The following ZNF121 variants were observed in gnomAD, a reference collection of about 807,000 sequenced individuals.
ZNF121 encodes the protein zinc finger protein 121 (clone ZHC32).
A neutral mutation model predicts 2.4 loss-of-function variants in ZNF121; 1 was observed. That is an observed-to-expected ratio of 0.41 (90% CI 0.15 to 1.94). ZNF121 has a LOEUF of 1.94. Among genes scored for constraint, ZNF121 ranks in the 30% most tolerant of loss-of-function variants. ZNF121 has a pLI of 0.30. For synonymous variants in ZNF121, 173 were observed against 158.6 expected (o/e 1.09, Z -0.68); for missense variants, 369 against 466.3 (o/e 0.79, Z 1.92).
chr19:9,565,923 A>C lies in ZNF121; in HGVS notation c.*17T>G. The stretch of plus-strand genomic sequence containing the variant: ...TTCCTAAAAGATTTCCACATTCCTT[A>C]CATTCAGAGTTTTTCTTCAGTGTGT... On this transcript the variant is annotated 3_prime_UTR_variant, in exon 4 of 4. Coordinates refer to ENST00000320451, the MANE Select transcript of ZNF121 (RefSeq NM_001008727.5). 6.6e-7 allele frequency: 1 copy of C among 1,503,958 alleles called. No individual in the cohort carries two copies. The highest frequency in any genetic ancestry group is 8.9e-7 in the Non-Finnish European group (1 of 1,118,920). 93.2% of individuals were successfully genotyped at this position (1,503,958 alleles called of 1,614,324 possible).
At chr19:9,574,652 G>A (rs773895733) in intron 1 of ZNF121, among the ~76,000 whole-genome samples, 2 of 152,168 alleles carry the variant, frequency 1.3e-5, no homozygotes, top group South Asian at 2.1e-4. Context: ...TTTAAAAGGC[G>A]TAAAGGCAGA....
chr19:9,565,387 A>AAAAAT lies in ZNF121; in HGVS notation c.*552_*553insATTTT, dbSNP rs1369472195. On this transcript the variant is annotated 3_prime_UTR_variant, in exon 4 of 4. Coordinates refer to ENST00000320451, the MANE Select transcript of ZNF121 (RefSeq NM_001008727.5). Reference sequence around the variant, plus strand: ...AAAAAAAAAAAAAAAAAAAAAAAAAAGGCCAGGAGCAGTGGCTCACTCCTA... The same window carrying AAAAAT: ...AAAAAAAAAAAAAAAAAAAAAAAAAAAAAATGGCCAGGAGCAGTGGCTCACTCCTA... The AAAAAT allele has an allele frequency of 1.5e-4, 21 of 139,772 alleles. No homozygotes were observed. The highest frequency in any genetic ancestry group is 3.0e-4 in the Admixed American group (4 of 13,128). 8.7% of individuals were successfully genotyped at this position (139,772 alleles called of 1,614,324 possible).
At chr19:9,584,137 T>G (rs894562997) in intron 1 of ZNF121, 4 of 152,198 alleles carry the variant, frequency 2.6e-5, no homozygotes, top group Non-Finnish European at 5.9e-5. Flanking sequence ...GGAGCCAACC[T>G]GACTGGAACG....
At chr19:9,572,569 C>T (rs1237661900) in intron 1 of ZNF121, among the ~76,000 whole-genome samples, 1 of 152,156 alleles carries the variant, frequency 6.6e-6, no homozygotes, top group Non-Finnish European at 1.5e-5. Context: ...TGTTCAGGAG[C>T]ACCATACTGT....
At chr19:9,572,259 C>G (rs149681728) in intron 1 of ZNF121, among the ~76,000 whole-genome samples, 1 of 152,118 alleles carries the variant, frequency 6.6e-6, no homozygotes, top group African/African-American at 2.4e-5. Context: ...AGTGAAAAAA[C>G]TCCAAGGGAG....
Position 9,566,260 on chromosome 19 carries a change from T to C in ZNF121, c.853A>G (p.Lys285Glu). Residue 285 changes from lysine to glutamate, a missense_variant, in exon 4 of 4, where the codon AAA becomes GAA. Lys to Glu is a moderately conservative substitution (Grantham distance 56). Transcript: ENST00000320451. ...FRIHTGIKPY[K>E]CKECGKAFTV... ...AATGCTTTCCCACACTCCTTACATT[T>C]ATAGGGTTTTATTCCAGTGTGAATT... 6.2e-7 allele frequency: 1 copy of C among 1,614,102 alleles called. No homozygotes were observed. The highest frequency in any genetic ancestry group is 8.5e-7 in the Non-Finnish European group (1 of 1,180,006).
Position 9,565,999 on chromosome 19 carries a change from C to A in ZNF121, c.1114G>T (p.Glu372Ter), listed in dbSNP as rs142394580. The stretch of plus-strand genomic sequence containing the variant: ...AATCTATTGTAGGCTTTCCCACATT[C>A]GTTACATATATAGGGTTTCTCTCCA... ...HTGEKPYICN[E>*]CGKAYNRFYL... Residue 372 changes from glutamate to a stop codon, truncating the protein, a stop_gained, in exon 4 of 4, where the codon GAA (glutamate) becomes TAA (stop). Transcript: ENST00000320451. LOFTEE classifies it low-confidence loss of function (END_TRUNC). The A allele has an allele frequency of 2.5e-6, 4 of 1,603,404 alleles. No individual in the cohort carries two copies. The highest frequency in any genetic ancestry group is 2.6e-6 in the Non-Finnish European group (3 of 1,176,048).
chr19:9,564,178 A>T lies in ZNF121; in HGVS notation c.*1762T>A, dbSNP rs971551199. The stretch of plus-strand genomic sequence containing the variant: ...TTCTCCATTCTAGATGCCATTAACA[A>T]CATTTATGATTCATGGAAGGAGGTC... On this transcript the variant is annotated 3_prime_UTR_variant, in exon 4 of 4. Coordinates refer to ENST00000320451, the MANE Select transcript of ZNF121 (RefSeq NM_001008727.5). 1 of 152,216 alleles carries T rather than the reference A, an allele frequency of 6.6e-6. No homozygotes were observed. The highest frequency in any genetic ancestry group is 1.5e-5 in the Non-Finnish European group (1 of 68,050). 9.4% of individuals were successfully genotyped at this position (152,216 alleles called of 1,614,324 possible). A position where few individuals can be genotyped will look rare whatever the true frequency, so the allele number is the denominator to read the frequency against.
chr19:9,574,942 C>A (rs1053229867), intron 1 of ZNF121, among the ~76,000 whole-genome samples: 1 of 152,026 alleles, frequency 6.6e-6, no homozygotes, highest in Non-Finnish European at 1.5e-5. Flanking sequence ...AAAAAAAAGT[C>A]TTTAAAGAAA....
At chr19:9,581,687 T>C (rs1028419199) in intron 1 of ZNF121, among the ~76,000 whole-genome samples, 1 of 152,172 alleles carries the variant, frequency 6.6e-6, no homozygotes, top group Non-Finnish European at 1.5e-5. Flanking sequence ...ATAACTGTTC[T>C]AGGTAAAAAG....
rs528971495 is a variant in ZNF121 at position 9,566,936 on chromosome 19, C to G, written c.177G>C (p.Glu59Asp). 1 of 1,614,208 alleles carries G rather than the reference C, an allele frequency of 6.2e-7. No homozygotes were observed. The highest frequency in any genetic ancestry group is 1.1e-5 in the South Asian group (1 of 91,086). Residue 59 changes from glutamate (E) to aspartate (D), a missense_variant, in exon 4 of 4, where the codon GAG (glutamate) becomes GAC (aspartate). By Grantham distance (45) the Glu-to-Asp change is conservative (BLOSUM62 2). Transcript: ENST00000320451. ...TGCACTGATTCAACACAGAAAGTGT[C>G]TCTCCAGCAGGGGCACTGTTGTGTA... ...PMLHNSAPAG[E>D]TLSVLNQCRK...
rs984758200 is a variant in ZNF121, at chr19:9,562,230, T to C, written c.*3710A>G. 6.7e-6 allele frequency: 1 copy of C among 150,068 alleles called. No individual in the cohort carries two copies. The highest frequency in any genetic ancestry group is 2.0e-4 in the East Asian group (1 of 5,094). The allele number at this position is 150,068 out of a possible 1,614,324, so 9.3% of individuals were successfully genotyped here. On this transcript the variant is annotated 3_prime_UTR_variant, in exon 4 of 4. Coordinates refer to ENST00000320451, the MANE Select transcript of ZNF121 (RefSeq NM_001008727.5). ...CCTGGGCTGGAGTGCAGTGGTGTGA[T>C]CTCAGCTCACTCTAACCTCCACCTC...
rs756663236 is a variant in ZNF121 at position 9,565,774 on chromosome 19, T to C, written c.*166A>G. The C allele has an allele frequency of 9.2e-5, 42 of 456,932 alleles. No individual in the cohort carries two copies. Among genetic ancestry groups the C allele is most frequent in the Admixed American group, 4.6e-4 (12 of 25,846 alleles). The allele number at this position is 456,932 out of a possible 1,614,324, so 28.3% of individuals were successfully genotyped here. A position where few individuals can be genotyped will look rare whatever the true frequency, so the allele number is the denominator to read the frequency against. On this transcript the variant is annotated 3_prime_UTR_variant, in exon 4 of 4. Transcript: ENST00000320451. ...ATTCCTAAAATTTATAGGGGACACA[T>C]AGAGTATGAGTTCTTTCATGTCTTC...
intron 1 of ZNF121, among the ~76,000 whole-genome samples, chr19:9,583,577 C>T (rs2074264341): frequency 6.8e-6 from 1 of 147,064 alleles, no homozygotes; most frequent in South Asian, 2.2e-4. Context: ...GATCTCGGCT[C>T]ACTGCAAGCT....
In ZNF121 at chr19:9,565,353, CAAAAAAAAAAAAAAAAAAAAAA is replaced by C. The variant is rs71185609; in HGVS notation, c.*565_*586del. The stretch of plus-strand genomic sequence containing the variant: ...AAGAATGTGTATTAACAACGACTTA[CAAAAAAAAAAAAAAAAAAAAAA>C]AAAAAAAAAAAAGGCCAGGAGCAGT... On this transcript the variant is annotated 3_prime_UTR_variant, in exon 4 of 4. Transcript: ENST00000320451. 2 of 29,864 alleles carry C rather than the reference CAAAAAAAAAAAAAAAAAAAAAA, an allele frequency of 6.7e-5. No homozygotes were observed. Among genetic ancestry groups the C allele is most frequent in the South Asian group, 2.0e-3 (1 of 512 alleles). 1.8% of individuals were successfully genotyped at this position (29,864 alleles called of 1,614,324 possible). A position where few individuals can be genotyped will look rare whatever the true frequency, so the allele number is the denominator to read the frequency against.
At chr19:9,580,910 C>A (rs1285388683) in intron 1 of ZNF121, among the ~76,000 whole-genome samples, 4 of 152,162 alleles carry the variant, frequency 2.6e-5, no homozygotes, top group Non-Finnish European at 4.4e-5. Context: ...GAATGAACAA[C>A]TAATCATGGG....
In ZNF121 at chr19:9,567,012, T is replaced by C; in HGVS notation, c.101A>G (p.Asn34Ser). ...SCLNAHMGTE[N>S]TGDTYDCDEY... ...ATCACAGTCATAAGTGTCCCCTGTA[T>C]TTTCAGTTCCCATGTGTGCATTAAG... The change falls in exon 4 of 4, where the codon AAT (asparagine) becomes AGT (serine). Residue 34 changes from asparagine to serine, a missense_variant. This residue lies in a region of ZNF121 where 168 missense variants were observed against 162.3 expected (regional missense o/e 1.03). Transcript: ENST00000320451. 1 of 1,614,190 alleles carries C rather than the reference T, an allele frequency of 6.2e-7. No individual in the cohort carries two copies. Among genetic ancestry groups the C allele is most frequent in the South Asian group, 1.1e-5 (1 of 91,086 alleles).
At chr19:9,578,099 G>A (rs1306704378) in intron 1 of ZNF121, among the ~76,000 whole-genome samples, 1 of 151,936 alleles carries the variant, frequency 6.6e-6, no homozygotes, top group Non-Finnish European at 1.5e-5. Flanking sequence ...GTGGGTGCCT[G>A]TAGTCCCAGC....
In ZNF121 at chr19:9,584,473, G is replaced by A. The variant is rs2074271142; in HGVS notation, c.-172C>T. The A allele has an allele frequency of 6.6e-6, 1 of 152,322 alleles. No homozygotes were observed. Among genetic ancestry groups the A allele is most frequent in the Non-Finnish European group, 1.5e-5 (1 of 68,124 alleles). 9.4% of individuals were successfully genotyped at this position (152,322 alleles called of 1,614,324 possible). A position where few individuals can be genotyped will look rare whatever the true frequency, so the allele number is the denominator to read the frequency against. On this transcript the variant is annotated 5_prime_UTR_variant, in exon 1 of 4. Coordinates refer to ENST00000320451, the MANE Select transcript of ZNF121 (RefSeq NM_001008727.5). ...AGGCGGAACTCACCACAGCCAGGGTGGACTCCACCACGATAAAGGCGAAAT... is the reference window on the plus strand; with the variant it reads ...AGGCGGAACTCACCACAGCCAGGGTAGACTCCACCACGATAAAGGCGAAAT...
Sources: gnomAD v4.1 joint callset for allele counts (sites outside exome capture counted in the v4.1 genomes callset) on GRCh38, gnomAD v4.1.1 for gene constraint, gnomAD v4.1.1 regional missense constraint, MANE v1.5 for transcripts, NCBI Gene and HGNC (gene_info 2026-07-23, HGNC 2026-07-21) for gene names.